MAML3: variants seen among roughly 807,000 people sequenced by gnomAD.
MAML3 encodes the protein mastermind like transcriptional coactivator 3.
Under a neutral mutation model 101.9 loss-of-function variants are expected in MAML3, and 27 were observed. That is an observed-to-expected ratio of 0.27 (90% CI 0.20 to 0.37). MAML3 has a LOEUF of 0.37. MAML3 is among the 10% of genes least tolerant of loss of function. MAML3 has a pLI of 1.00. For missense variants in MAML3, 1,316 were observed against 1,444.9 expected (o/e 0.91, Z 1.45); for synonymous variants, 501 against 555.9 (o/e 0.90, Z 1.39).
intron 2 of MAML3, among the ~76,000 whole-genome samples, chr4:139,765,507 G>T (rs1206775402): frequency 6.6e-6 from 1 of 152,214 alleles, no homozygotes; most frequent in African/African-American, 2.4e-5. Context: ...ATAGGCTAAA[G>T]GATTCCAATG....
intron 1 of MAML3, among the ~76,000 whole-genome samples, chr4:140,056,110 G>A (rs1727344637): frequency 6.6e-6 from 1 of 152,212 alleles, no homozygotes; most frequent in South Asian, 2.1e-4. Context: ...GATGTTCCCA[G>A]AGGCCAATAC....
intron 1 of MAML3, among the ~76,000 whole-genome samples, chr4:139,980,230 C>T (rs1185284762): frequency 6.6e-6 from 1 of 152,166 alleles, no homozygotes; most frequent in East Asian, 1.9e-4. Context: ...ATCCTGTTGG[C>T]TTTACAACCT....
chr4:140,030,141 A>G lies in MAML3; in HGVS notation c.468+122719T>C, dbSNP rs571123915. 2.0e-5 allele frequency among the ~76,000 whole-genome samples: 3 copies of G among 152,184 alleles called. No homozygotes were observed. In the East Asian group the frequency reaches 5.8e-4, roughly 29 times the overall value. ...CCTTCTAATTATTTTCCACTCCTTC[A>G]GTTCTGGTGCTGATGCGGTCCCTGG... On this transcript the variant is annotated intron_variant, in intron 1 of 4. Coordinates refer to ENST00000509479, the MANE Select transcript of MAML3 (RefSeq NM_018717.5).
At chr4:139,830,992 A>T (rs1405103723) in intron 2 of MAML3, among the ~76,000 whole-genome samples, 1 of 152,212 alleles carries the variant, frequency 6.6e-6, no homozygotes, top group Non-Finnish European at 1.5e-5. Context: ...CTTAGGGCAT[A>T]TTGGGTACTC....
At chr4:139,913,645 C>CCAAG (rs1410680277) in intron 1 of MAML3, among the ~76,000 whole-genome samples, 2 of 152,144 alleles carry the variant, frequency 1.3e-5, no homozygotes, top group African/African-American at 4.8e-5. Flanking sequence ...AGCAAAAGAA[C>CCAAG]CAAGGGGCTG....
At chr4:139,988,994 C>G (rs577201419) in intron 1 of MAML3, among the ~76,000 whole-genome samples, 1 of 152,286 alleles carries the variant, frequency 6.6e-6, no homozygotes, top group Admixed American at 6.5e-5. Context: ...CACTGTTGAA[C>G]CTGCTTCTTC....
intron 1 of MAML3, among the ~76,000 whole-genome samples, chr4:139,899,427 C>T (rs1365619174): frequency 6.6e-6 from 1 of 152,172 alleles, no homozygotes; most frequent in Non-Finnish European, 1.5e-5. Flanking sequence ...TCTCTGAGCA[C>T]AGTAATATCC....
chr4:140,061,921 A>G (rs768897766), intron 1 of MAML3, among the ~76,000 whole-genome samples: 6 of 152,250 alleles, frequency 3.9e-5, no homozygotes, highest in Non-Finnish European at 8.8e-5. Flanking sequence ...TTGGTGTGGC[A>G]GAAAAAAACA....
intron 2 of MAML3, among the ~76,000 whole-genome samples, chr4:139,787,228 T>C (rs1262148077): frequency 6.6e-6 from 1 of 152,212 alleles, no homozygotes; most frequent in Admixed American, 6.5e-5. Flanking sequence ...ACATAAATGT[T>C]AATGTAGTTC....
chr4:140,031,579 A>G (rs1726909951), intron 1 of MAML3, among the ~76,000 whole-genome samples: 1 of 152,218 alleles, frequency 6.6e-6, no homozygotes, highest in Non-Finnish European at 1.5e-5. Flanking sequence ...GTAATCCATC[A>G]GCAAAGGTTT....
At chr4:139,983,180 TA>T (rs1409515180) in intron 1 of MAML3, among the ~76,000 whole-genome samples, 2 of 152,198 alleles carry the variant, frequency 1.3e-5, no homozygotes, top group African/African-American at 4.8e-5. Flanking sequence ...TTGACAAATG[TA>T]GTGTCACATA....
At position 140,036,766 on chromosome 4, in the gene MAML3, T is replaced by C. The variant is rs115660977; in HGVS notation, c.468+116094A>G. On this transcript the variant is annotated intron_variant, in intron 1 of 4. Coordinates refer to ENST00000509479, the MANE Select transcript of MAML3 (RefSeq NM_018717.5). ...CAAGAATAATTTACTGGAAAATTGT[T>C]AAGTTATAAAAATAACCATGCTTTC... Among the ~76,000 whole-genome samples the C allele has an allele frequency of 9.0e-3, 1,371 of 152,326 alleles. 10 individuals are homozygous for C. The highest frequency in any genetic ancestry group is 0.014 in the Non-Finnish European group (923 of 68,024).
intron 1 of MAML3, among the ~76,000 whole-genome samples, chr4:139,947,771 A>G (rs1234807555): frequency 1.3e-5 from 2 of 152,006 alleles, no homozygotes; most frequent in Non-Finnish European, 2.9e-5. Context: ...CAAAACAATA[A>G]CTAGTATTAT....
intron 1 of MAML3, among the ~76,000 whole-genome samples, chr4:139,934,540 C>T (rs541961331): frequency 6.6e-6 from 1 of 152,178 alleles, no homozygotes; most frequent in Non-Finnish European, 1.5e-5. Context: ...GCTGCCTTCT[C>T]TCCATCACCC....
At chr4:140,094,185 G>A (rs1434153369) in intron 1 of MAML3, among the ~76,000 whole-genome samples, 3 of 152,188 alleles carry the variant, frequency 2.0e-5, no homozygotes, top group Non-Finnish European at 4.4e-5. Context: ...ATTTGGGAGG[G>A]GGAGGGAGTG....
At chr4:139,859,009 A>G (rs1193025088) in intron 2 of MAML3, among the ~76,000 whole-genome samples, 3 of 152,120 alleles carry the variant, frequency 2.0e-5, no homozygotes, top group East Asian at 3.9e-4. Flanking sequence ...TATATCCCTC[A>G]CCTCTGAGAA....
At chr4:139,925,930 G>A (rs756291962) in intron 1 of MAML3, among the ~76,000 whole-genome samples, 53 of 152,176 alleles carry the variant, frequency 3.5e-4, no homozygotes, top group Non-Finnish European at 6.0e-4. Context: ...AATGCAAGAA[G>A]AAAGAGGAGG....
intron 1 of MAML3, among the ~76,000 whole-genome samples, chr4:139,951,095 A>T (rs1011915501): frequency 2.0e-5 from 3 of 152,138 alleles, no homozygotes; most frequent in African/African-American, 4.8e-5. Context: ...TTAACAAAAG[A>T]TCTCAACAAG....
chr4:139,901,156 T>G (rs1459653170), intron 1 of MAML3, among the ~76,000 whole-genome samples: 1 of 152,218 alleles, frequency 6.6e-6, no homozygotes, highest in African/African-American at 2.4e-5. Context: ...ATCTGGCTGA[T>G]TCACAGAAAA....
Sources: gnomAD v4.1 joint callset for allele counts (sites outside exome capture counted in the v4.1 genomes callset) on GRCh38, gnomAD v4.1.1 for gene constraint, MANE v1.5 for transcripts, NCBI Gene and HGNC (gene_info 2026-07-23, HGNC 2026-07-21) for gene names.